Variants in SYN3 observed in about 807,000 individuals in gnomAD.
The protein encoded by SYN3 is synapsin-3.
SYN3 carries 35 observed loss-of-function variants against 65.8 expected under a neutral mutation model. The ratio of observed to expected loss-of-function variants is 0.53; its 90% CI spans 0.41 to 0.70. SYN3 has a LOEUF of 0.70. SYN3 is among the 30% of genes least tolerant of loss of function. The pLI is 0.00. For synonymous variants in SYN3, 270 were observed against 292.9 expected, an observed-to-expected ratio of 0.92 and a Z score of 0.80; for missense variants, 680 against 749.0, an observed-to-expected ratio of 0.91 and a Z score of 1.08.
chr22:32,758,944 GTGA>G (rs1397643865), intron 6 of SYN3, among the ~76,000 whole-genome samples: 3 of 151,474 alleles, frequency 2.0e-5, no homozygotes, highest in Non-Finnish European at 2.9e-5. Context: ...CCCATTGCTT[GTGA>G]TGATAACCAA....
At position 33,006,365 on chromosome 22, in the gene SYN3, C is replaced by G. The variant is rs1360324533; in HGVS notation, c.298G>C (p.Ala100Pro). ...RPRILLVIDD[A>P]HTDWSKYFHG... ...ATTCCTACTTACCAGTCTGTATGGG[C>G]ATCATCGATCACCAACAGGATCCTG... Residue 100 changes from alanine to proline, a missense_variant, in exon 2 of 14, where the codon GCC becomes CCC. Coordinates refer to ENST00000358763, the MANE Select transcript of SYN3 (RefSeq NM_003490.4). 2 of 1,612,304 alleles carry G rather than the reference C, an allele frequency of 1.2e-6. No individual in the cohort carries two copies. The highest frequency in any genetic ancestry group is 1.3e-5 in the African/African-American group (1 of 74,876).
intron 6 of SYN3, among the ~76,000 whole-genome samples, chr22:32,657,213 TC>T (rs776381088): frequency 0.02 from 2,973 of 151,810 alleles, 41 homozygotes; most frequent in Non-Finnish European, 0.026. Context: ...GAGCTCCACC[TC>T]CCGGGTTCAC....
At chr22:32,892,708 C>T (rs9619316) in intron 4 of SYN3, among the ~76,000 whole-genome samples, 9,204 of 152,140 alleles carry the variant, frequency 0.06, 904 homozygotes, top group African/African-American at 0.21. Context: ...GAATCACCTC[C>T]CACCCATCTC....
chr22:32,815,927 A>G (rs1203083839), intron 6 of SYN3, among the ~76,000 whole-genome samples: 1 of 152,166 alleles, frequency 6.6e-6, no homozygotes, highest in Non-Finnish European at 1.5e-5. Flanking sequence ...GCCCCACTAG[A>G]CAGCCTGGAT....
intron 1 of SYN3, among the ~76,000 whole-genome samples, chr22:33,007,113 A>C (rs1245666462): frequency 6.6e-6 from 1 of 152,346 alleles, no homozygotes; most frequent in East Asian, 1.9e-4. Flanking sequence ...CTCAACATTC[A>C]ACCACAGTTT....
intron 1 of SYN3, among the ~76,000 whole-genome samples, chr22:33,056,151 A>T (rs746394542): frequency 2.6e-5 from 4 of 152,218 alleles, no homozygotes; most frequent in Non-Finnish European, 5.9e-5. Flanking sequence ...CATAATAGAC[A>T]CTCAAAAAAG....
intron 6 of SYN3, among the ~76,000 whole-genome samples, chr22:32,840,146 CTT>C (rs2047851594): frequency 6.6e-6 from 1 of 152,142 alleles, no homozygotes; most frequent in African/African-American, 2.4e-5. Context: ...GAGATGGAAA[CTT>C]GGGTTGAAAT....
At chr22:32,860,864 G>A (rs970630297) in intron 6 of SYN3, 11 of 151,038 alleles carry the variant, frequency 7.3e-5, no homozygotes, top group African/African-American at 2.4e-4. Flanking sequence ...AAAATTGTTG[G>A]TCACTGGGGA....
chr22:32,717,021 C>G (rs902067025), intron 6 of SYN3, among the ~76,000 whole-genome samples: 3 of 152,222 alleles, frequency 2.0e-5, no homozygotes, highest in African/African-American at 7.2e-5. Context: ...ATTCACCTCT[C>G]CTATTATTAC....
chr22:32,941,055 T>C lies in SYN3; in HGVS notation c.370-9574A>G, dbSNP rs530813804. Among the ~76,000 whole-genome samples, 11 of 152,296 alleles carry C rather than the reference T, an allele frequency of 7.2e-5. No individual in the cohort carries two copies. In the South Asian group the frequency reaches 1.0e-3, roughly 14 times the overall value. The stretch of plus-strand genomic sequence containing the variant: ...TCCTTGCTTTGCAACCAACCCACCA[T>C]TGCAGCCAGACCTCTCAAAGACCTC... On this transcript the variant is annotated intron_variant, in intron 3 of 13. Coordinates refer to ENST00000358763, the MANE Select transcript of SYN3 (RefSeq NM_003490.4).
intron 3 of SYN3, among the ~76,000 whole-genome samples, chr22:32,945,477 T>G (rs1440785863): frequency 1.3e-5 from 2 of 152,190 alleles, no homozygotes; most frequent in Non-Finnish European, 2.9e-5. Context: ...CTGGGAAAAC[T>G]GGCTAGCCAT....
intron 6 of SYN3, among the ~76,000 whole-genome samples, chr22:32,603,199 C>G (rs376196323): frequency 1.4e-4 from 21 of 152,112 alleles, no homozygotes; most frequent in African/African-American, 4.6e-4. Context: ...TCCTTTCCCT[C>G]CCCCATGTTA....
intron 9 of SYN3, among the ~76,000 whole-genome samples, chr22:32,536,105 C>T (rs1365858494): frequency 5.3e-5 from 8 of 152,232 alleles, no homozygotes; most frequent in Non-Finnish European, 1.5e-5. Context: ...AGGTGGCCTG[C>T]TGGGGACATC....
At chr22:33,054,088 A>G (rs924680025) in intron 1 of SYN3, among the ~76,000 whole-genome samples, 1 of 152,202 alleles carries the variant, frequency 6.6e-6, no homozygotes, top group Non-Finnish European at 1.5e-5. Context: ...CGCATCTCCT[A>G]TGAATAGTTA....
At chr22:32,693,136 T>C (rs1436980530) in intron 6 of SYN3, among the ~76,000 whole-genome samples, 1 of 152,194 alleles carries the variant, frequency 6.6e-6, no homozygotes, top group African/African-American at 2.4e-5. Context: ...GTTTAATTTA[T>C]AAATTAGGCA....
intron 6 of SYN3, among the ~76,000 whole-genome samples, chr22:32,812,988 A>G (rs1233345531): frequency 6.6e-6 from 1 of 152,168 alleles, no homozygotes; most frequent in Non-Finnish European, 1.5e-5. Flanking sequence ...AAAAGCTTAT[A>G]CTTAAGGTGG....
chr22:32,870,388 ATCT>A (rs1432312149), intron 4 of SYN3, among the ~76,000 whole-genome samples: 1 of 152,222 alleles, frequency 6.6e-6, no homozygotes, highest in Non-Finnish European at 1.5e-5. Flanking sequence ...TACCAAAAAT[ATCT>A]TCTAAAATAT....
intron 7 of SYN3, among the ~76,000 whole-genome samples, chr22:32,556,555 T>G (rs548343721): frequency 2.6e-5 from 4 of 152,166 alleles, no homozygotes; most frequent in Non-Finnish European, 5.9e-5. Context: ...GCTACCCCCA[T>G]GAGTCTGTGG....
At chr22:32,726,477 C>T (rs934180029) in intron 6 of SYN3, among the ~76,000 whole-genome samples, 4 of 152,098 alleles carry the variant, frequency 2.6e-5, no homozygotes, top group African/African-American at 9.7e-5. Flanking sequence ...AGAGGGGATC[C>T]GAACTCTATA....
Sources: gnomAD v4.1 joint callset for allele counts (sites outside exome capture counted in the v4.1 genomes callset) on GRCh38, gnomAD v4.1.1 for gene constraint, MANE v1.5 for transcripts, NCBI Gene and HGNC (gene_info 2026-07-23, HGNC 2026-07-21) for gene names.